Variants in DMD observed in about 807,000 individuals in gnomAD.
DMD encodes the protein dystrophin.
A neutral mutation model predicts 330.1 loss-of-function variants in DMD; 63 were observed. That is an observed-to-expected ratio of 0.19 (90% CI 0.16 to 0.24). DMD has a LOEUF of 0.24. Ranked by LOEUF, DMD falls within the 10% of genes least tolerant of loss-of-function variation. DMD has a pLI of 1.00. For synonymous variants in DMD, 1,223 were observed against 959.8 expected (o/e 1.27, Z -5.07); for missense variants, 3,344 against 2,684.1 (o/e 1.25, Z -5.43).
chrX:31,713,339 G>A (rs2084784687), intron 52 of DMD, among the ~76,000 whole-genome samples: 2 of 111,715 alleles, frequency 1.8e-5, no homozygotes, highest in Admixed American at 9.5e-5. Context: ...TCTAGGTTCT[G>A]GAAAATCTAT....
intron 54 of DMD, among the ~76,000 whole-genome samples, chrX:31,646,647 C>T (rs2080119887): frequency 9.0e-6 from 1 of 111,715 alleles, no homozygotes; most frequent in Admixed American, 9.5e-5. Flanking sequence ...CTGCCTCCCT[C>T]CCTGGAAATT....
At chrX:32,661,056 T>A (rs763806380) in intron 9 of DMD, among the ~76,000 whole-genome samples, 1 of 110,966 alleles carries the variant, frequency 9.0e-6, no homozygotes, top group Non-Finnish European at 1.9e-5. Flanking sequence ...GTACCATATA[T>A]TACATCAAAT....
chrX:32,537,523 T>C (rs189040014), intron 17 of DMD, among the ~76,000 whole-genome samples: 4 of 110,837 alleles, frequency 3.6e-5, no homozygotes, highest in Admixed American at 2.9e-4. Flanking sequence ...GGACTAATCA[T>C]TTCTGTCAAG....
At chrX:32,468,739 C>T in intron 22 of DMD, 29 bp from the exon 23 acceptor site, 2 of 1,107,173 alleles carry the variant, frequency 1.8e-6, no homozygotes, top group African/African-American at 1.8e-5. Flanking sequence ...AATACATTTA[C>T]CCTAATTGAT....
intron 1 of DMD, among the ~76,000 whole-genome samples, chrX:33,242,611 G>C (rs1415304033): frequency 9.0e-6 from 1 of 111,527 alleles, no homozygotes; most frequent in Non-Finnish European, 1.9e-5. Context: ...TAGATATCTG[G>C]TAGTGGGATT....
chrX:32,751,333 G>C (rs1012850263), intron 7 of DMD, among the ~76,000 whole-genome samples: 1 of 111,216 alleles, frequency 9.0e-6, no homozygotes, highest in Non-Finnish European at 1.9e-5. Context: ...GTCTCAGATA[G>C]AGATGAGCAA....
At chrX:32,868,943 C>G (rs915526839) in intron 2 of DMD, among the ~76,000 whole-genome samples, 4 of 111,985 alleles carry the variant, frequency 3.6e-5, no homozygotes, top group Admixed American at 1.9e-4. Flanking sequence ...TGCACCCTGA[C>G]TGGGTGAGAC....
At chrX:33,059,958 C>T (rs2094562868) in intron 1 of DMD, among the ~76,000 whole-genome samples, 1 of 111,884 alleles carries the variant, frequency 8.9e-6, no homozygotes, top group African/African-American at 3.2e-5. Context: ...CAGTGATACC[C>T]AGCCAAGATT....
At chrX:31,134,457 C>G (rs1336601462) in intron 76 of DMD, among the ~76,000 whole-genome samples, 1 of 98,082 alleles carries the variant, frequency 1.0e-5, no homozygotes, top group Non-Finnish European at 2.0e-5. Context: ...GAGTCTTGCT[C>G]TGTCACCCAG....
intron 9 of DMD, among the ~76,000 whole-genome samples, chrX:32,691,913 C>A (rs1210161479): frequency 9.0e-6 from 1 of 111,681 alleles, no homozygotes; most frequent in African/African-American, 3.3e-5. Flanking sequence ...CACATAAGGA[C>A]AAACACTCCA....
At position 32,502,366 on chromosome X, in the gene DMD, A is replaced by C. The variant is rs1266728307; in HGVS notation, c.2293-524T>G. ...AGGCTGTAGGCTAATTTTTCTTTCA[A>C]AAATAATCAAAGTACTCCTATTTCC... On this transcript the variant is annotated intron_variant, in intron 18 of 78. Coordinates refer to ENST00000357033, the MANE Select transcript of DMD (RefSeq NM_004006.3). Among the ~76,000 whole-genome samples the C allele has an allele frequency of 9.0e-5, 10 of 111,708 alleles. No homozygotes were observed. In the Admixed American group the frequency reaches 9.5e-4, roughly 11 times the overall value.
At chrX:32,438,723 C>T (rs1455778538) in intron 28 of DMD, among the ~76,000 whole-genome samples, 5 of 111,721 alleles carry the variant, frequency 4.5e-5, no homozygotes, top group Non-Finnish European at 7.5e-5. Flanking sequence ...GTGGTGTCCA[C>T]GTGACACAAT....
chrX:32,067,227 G>A (rs780547230), intron 44 of DMD, among the ~76,000 whole-genome samples: 56 of 111,597 alleles, frequency 5.0e-4, no homozygotes, highest in African/African-American at 1.8e-3. Flanking sequence ...TTCACACTGT[G>A]ATCAAAGCAG....
upstream of DMD, chrX:33,211,633 G>T: frequency 1.1e-6 from 1 of 882,182 alleles, no homozygotes; most frequent in Non-Finnish European, 1.4e-6. Context: ...TCTCAAGTTG[G>T]TTTCCCATAA....
At chrX:31,536,654 C>T (rs189067519) in intron 55 of DMD, among the ~76,000 whole-genome samples, 2 of 111,634 alleles carry the variant, frequency 1.8e-5, no homozygotes, top group East Asian at 5.6e-4. Context: ...AAATCCAATA[C>T]AACAATCCTA....
intron 21 of DMD, among the ~76,000 whole-genome samples, chrX:32,476,205 T>C (rs954070959): frequency 1.1e-4 from 12 of 111,365 alleles, no homozygotes; most frequent in Non-Finnish European, 2.1e-4. Context: ...TTCTGTTTAA[T>C]GAAAACTGAA....
At chrX:32,646,765 G>A (rs1278370155) in intron 9 of DMD, among the ~76,000 whole-genome samples, 1 of 111,580 alleles carries the variant, frequency 9.0e-6, no homozygotes, top group Non-Finnish European at 1.9e-5. Context: ...AGATGACAAG[G>A]CATAGTGGCA....
intron 19 of DMD, among the ~76,000 whole-genome samples, chrX:32,497,936 T>C (rs2043660857): frequency 1.8e-5 from 2 of 111,988 alleles, no homozygotes; most frequent in Admixed American, 1.9e-4. Flanking sequence ...ACTTACTATA[T>C]TTAATGGCTA....
chrX:31,204,744 G>A (rs1171826113), intron 66 of DMD, among the ~76,000 whole-genome samples: 2 of 111,784 alleles, frequency 1.8e-5, no homozygotes, highest in African/African-American at 6.5e-5. Flanking sequence ...TGCCTCAGCC[G>A]CCTGAGTAGC....
Sources: gnomAD v4.1 joint callset for allele counts (sites outside exome capture counted in the v4.1 genomes callset) on GRCh38, gnomAD v4.1.1 for gene constraint, MANE v1.5 for transcripts, NCBI Gene and HGNC (gene_info 2026-07-23, HGNC 2026-07-21) for gene names.